ARHGEF6: variants seen among roughly 807,000 people sequenced by gnomAD.
ARHGEF6 encodes rho guanine nucleotide exchange factor 6.
In ARHGEF6, 9 loss-of-function variants were observed where a neutral mutation model predicts 70.3. The observed-to-expected ratio is 0.13, with a 90% CI of 0.08 to 0.22. ARHGEF6 has a LOEUF of 0.22. Among genes scored for constraint, ARHGEF6 ranks in the 10% least tolerant of loss-of-function variants. The pLI is 1.00. For missense variants in ARHGEF6, 470 were observed against 563.0 expected, an observed-to-expected ratio of 0.83 and a Z score of 1.67; for synonymous variants, 201 against 207.8, an observed-to-expected ratio of 0.97 and a Z score of 0.28.
At chrX:136,749,791 G>A (rs769127110) in intron 2 of ARHGEF6, among the ~76,000 whole-genome samples, 3 of 111,413 alleles carry the variant, frequency 2.7e-5, no homozygotes, top group Non-Finnish European at 3.8e-5. Context: ...AAACTACAGA[G>A]GAAGGAGTTG....
At chrX:136,768,418 T>C (rs1228460392) in intron 2 of ARHGEF6, 1 of 112,306 alleles carries the variant, frequency 8.9e-6, no homozygotes, top group African/African-American at 3.2e-5. Context: ...CTTGCCAAAA[T>C]CCTCTTTGGT....
chrX:136,681,907 C>T lies in ARHGEF6; in HGVS notation c.1541G>A (p.Cys514Tyr), dbSNP rs1170028473. The T allele has an allele frequency of 8.3e-7, 1 of 1,206,529 alleles. No individual in the cohort carries two copies. Residue 514 changes from cysteine (C) to tyrosine (Y), a missense_variant, in exon 14 of 22, where the codon TGC becomes TAC. This residue lies in a region of ARHGEF6 where 379 missense variants were observed against 449.3 expected (regional missense o/e 0.84). Coordinates refer to ENST00000250617, the MANE Select transcript of ARHGEF6 (RefSeq NM_004840.3). ...TRLDEIEGNDCTFEITGNTVE... is the reference protein window; with the variant it reads ...TRLDEIEGNDYTFEITGNTVE... ...TTACCTACCAGTGATTTCAAATGTGCAGTCATTCCCTTCAATTTCATCTAA... is the reference window on the plus strand; with the variant it reads ...TTACCTACCAGTGATTTCAAATGTGTAGTCATTCCCTTCAATTTCATCTAA...
intron 6 of ARHGEF6, among the ~76,000 whole-genome samples, chrX:136,720,654 C>T (rs1290065693): frequency 9.0e-6 from 1 of 111,097 alleles, no homozygotes; most frequent in Non-Finnish European, 1.9e-5. Context: ...ATTGAATGTC[C>T]TAGCTAATGC....
intron 2 of ARHGEF6, among the ~76,000 whole-genome samples, chrX:136,770,694 T>G (rs2148685094): frequency 8.9e-6 from 1 of 112,904 alleles, no homozygotes; most frequent in South Asian, 3.6e-4. Context: ...GAATACAAGA[T>G]GAATATTAAA....
chrX:136,715,833 G>T (rs983843690), intron 6 of ARHGEF6, among the ~76,000 whole-genome samples: 2 of 112,268 alleles, frequency 1.8e-5, no homozygotes, highest in African/African-American at 6.5e-5. Context: ...TTGCCTTTTT[G>T]AATATGCCAG....
At chrX:136,749,011 G>T (rs1233633947) in intron 2 of ARHGEF6, among the ~76,000 whole-genome samples, 1 of 111,791 alleles carries the variant, frequency 8.9e-6, no homozygotes, top group Non-Finnish European at 1.9e-5. Flanking sequence ...TGAATATTTT[G>T]CATTCAAAGT....
intron 2 of ARHGEF6, among the ~76,000 whole-genome samples, chrX:136,760,195 A>G (rs2077251440): frequency 8.9e-6 from 1 of 112,694 alleles, no homozygotes; most frequent in Admixed American, 9.4e-5. Context: ...GGAGGGCCCT[A>G]AGAAACTGGC....
intron 9 of ARHGEF6, among the ~76,000 whole-genome samples, chrX:136,701,105 G>C (rs1412528761): frequency 9.0e-6 from 1 of 111,425 alleles, no homozygotes; most frequent in Non-Finnish European, 1.9e-5. Context: ...TTAAATGGAA[G>C]AGAATACACA....
chrX:136,687,812 CATGAAAGCTTATTTCCATTCT>C, intron 11 of ARHGEF6, 99 bp downstream of exon 11: 1 of 645,383 alleles, frequency 1.5e-6, no homozygotes, highest in African/African-American at 2.1e-5. Context: ...GCTATACTGT[CATGAAAGCTTATTTCCATTCT>C]AAAGACCTTT....
intron 7 of ARHGEF6, among the ~76,000 whole-genome samples, chrX:136,710,352 T>TATATAG (rs1491026017): frequency 4.0e-5 from 4 of 99,242 alleles, no homozygotes; most frequent in African/African-American, 7.6e-5. Flanking sequence ...TATATATATA[T>TATATAG]AGAATACCAG....
chrX:136,752,865 T>C (rs1388070187), intron 2 of ARHGEF6, among the ~76,000 whole-genome samples: 1 of 112,286 alleles, frequency 8.9e-6, no homozygotes, highest in African/African-American at 3.2e-5. Context: ...ACTTAGCTCA[T>C]CTTGAATCAC....
Position 136,672,021 on chromosome X carries a change from T to C in ARHGEF6, c.2134A>G (p.Lys712Glu). ...RSNGQTIMEE[K>E]SLVDTVYALK... ...CAAGGTTTTGCCTGCTCTACTCACT[T>C]TTCTTCCATGATGGTCTGGCCGTTG... Residue 712 changes from lysine to glutamate, a missense_variant and splice_region_variant, in exon 20 of 22, where the codon AAG becomes GAG. Around this residue, in one of 3 missense-constraint regions of ARHGEF6, gnomAD observed 88 missense variants for 95.5 expected, o/e 0.92. Coordinates refer to ENST00000250617, the MANE Select transcript of ARHGEF6 (RefSeq NM_004840.3). 8.3e-7 allele frequency: 1 copy of C among 1,205,728 alleles called. No homozygotes were observed. Among genetic ancestry groups the C allele is most frequent in the Non-Finnish European group, 1.1e-6 (1 of 889,964 alleles).
intron 5 of ARHGEF6, 64 bp downstream of exon 5, chrX:136,743,521 T>C: frequency 2.7e-6 from 3 of 1,098,920 alleles, no homozygotes; most frequent in Admixed American, 4.4e-5. Context: ...TACACAATTT[T>C]CAGTAAGAAT....
At chrX:136,708,287 G>A (rs1384277049) in intron 8 of ARHGEF6, among the ~76,000 whole-genome samples, 9 of 108,836 alleles carry the variant, frequency 8.3e-5, no homozygotes, top group Non-Finnish European at 1.5e-4. Flanking sequence ...CCTGGATGAC[G>A]GGTTGATAGG....
chrX:136,687,107 C>T (rs1304834525), intron 11 of ARHGEF6, among the ~76,000 whole-genome samples: 1 of 111,490 alleles, frequency 9.0e-6, no homozygotes, highest in Non-Finnish European at 1.9e-5. Context: ...GTGGGTTTCA[C>T]TGGGCTGTTC....
chrX:136,774,345 G>GAA (rs779669090), intron 2 of ARHGEF6, among the ~76,000 whole-genome samples: 31 of 103,860 alleles, frequency 3.0e-4, no homozygotes, highest in African/African-American at 1.1e-3. Flanking sequence ...GTTTTTATTT[G>GAA]AAAAAAAAAA....
intron 6 of ARHGEF6, among the ~76,000 whole-genome samples, chrX:136,727,901 C>CCACCTTAAAA: frequency 9.1e-6 from 1 of 109,979 alleles, no homozygotes; most frequent in East Asian, 2.9e-4. Flanking sequence ...TTTGAAAAAC[C>CCACCTTAAAA]CACCTTACAA....
intron 9 of ARHGEF6, among the ~76,000 whole-genome samples, chrX:136,695,206 T>C (rs1387717861): frequency 8.9e-6 from 1 of 112,384 alleles, no homozygotes; most frequent in African/African-American, 3.2e-5. Context: ...GAGATTATAT[T>C]AAAAGCACAT....
chrX:136,765,194 C>T (rs967177780), intron 2 of ARHGEF6, among the ~76,000 whole-genome samples: 1 of 111,810 alleles, frequency 8.9e-6, no homozygotes, highest in African/African-American at 3.3e-5. Flanking sequence ...TTTAAAGCAC[C>T]TAGCATAGTG....
Sources: gnomAD v4.1 joint callset for allele counts (sites outside exome capture counted in the v4.1 genomes callset) on GRCh38, gnomAD v4.1.1 for gene constraint, gnomAD v4.1.1 regional missense constraint, MANE v1.5 for transcripts, NCBI Gene and HGNC (gene_info 2026-07-23, HGNC 2026-07-21) for gene names.